Variants in CSMD1 observed in about 807,000 individuals in gnomAD.
CSMD1 encodes the protein CUB and sushi domain-containing protein 1.
CSMD1 carries 213 observed loss-of-function variants against 417.5 expected under a neutral mutation model. The ratio of observed to expected loss-of-function variants is 0.51; its 90% CI spans 0.46 to 0.57. The LOEUF (loss-of-function observed/expected upper bound fraction) is 0.57, where lower values mean the gene tolerates loss of function less well. Ranked by LOEUF, CSMD1 falls within the 20% of genes least tolerant of loss-of-function variation. The pLI is 0.00. For synonymous variants in CSMD1, 2,862 were observed against 1,736.8 expected, an observed-to-expected ratio of 1.65 and a Z score of -16.11; for missense variants, 6,923 against 4,529.7, an observed-to-expected ratio of 1.53 and a Z score of -15.17.
At chr8:4,718,555 G>C (rs760112841) in intron 1 of CSMD1, among the ~76,000 whole-genome samples, 6 of 151,574 alleles carry the variant, frequency 4.0e-5, no homozygotes, top group Non-Finnish European at 8.8e-5. Context: ...TTTGAAAAAA[G>C]AAAGAAAAAA....
At chr8:3,506,393 G>C (rs1039022195) in intron 10 of CSMD1, among the ~76,000 whole-genome samples, 3 of 152,130 alleles carry the variant, frequency 2.0e-5, no homozygotes, top group East Asian at 1.9e-4. Flanking sequence ...GAGTAAACAC[G>C]TTTTTACACA....
At chr8:4,432,965 G>C (rs541015802) in intron 2 of CSMD1, among the ~76,000 whole-genome samples, 1 of 152,180 alleles carries the variant, frequency 6.6e-6, no homozygotes, top group South Asian at 2.1e-4. Context: ...TACCAGCTGA[G>C]CTCCACCCTC....
In CSMD1 at chr8:4,842,520, C is replaced by G. The variant is rs909816593; in HGVS notation, c.85+151812G>C. Among the ~76,000 whole-genome samples, 3 of 152,160 alleles carry G rather than the reference C, an allele frequency of 2.0e-5. No homozygotes were observed. In the East Asian group the frequency reaches 5.8e-4, roughly 29 times the overall value. ...GGAAATGACTTACTAAAAAATGTAG[C>G]AAGTGTTCACTTACAGCGAGCACTA... On this transcript the variant is annotated intron_variant, in intron 1 of 69. Transcript: ENST00000635120.
intron 14 of CSMD1, among the ~76,000 whole-genome samples, chr8:3,406,846 G>C (rs955688238): frequency 1.3e-5 from 2 of 152,168 alleles, no homozygotes; most frequent in Admixed American, 1.3e-4. Context: ...TTAAAATGAG[G>C]AGCCTAAAGC....
intron 38 of CSMD1, 35 bp downstream of exon 38, chr8:3,162,124 T>C (rs373355479): frequency 7.7e-7 from 1 of 1,306,980 alleles, no homozygotes; most frequent in South Asian, 1.3e-5. Context: ...GATGACCATG[T>C]GTATGTTATT....
chr8:3,173,196 G>A (rs956556472), intron 37 of CSMD1, among the ~76,000 whole-genome samples: 2 of 152,166 alleles, frequency 1.3e-5, no homozygotes, highest in South Asian at 2.1e-4. Context: ...AATATCACCA[G>A]TAGGAGTAAA....
intron 2 of CSMD1, among the ~76,000 whole-genome samples, chr8:4,433,343 C>G (rs1274984451): frequency 6.6e-6 from 1 of 152,134 alleles, no homozygotes; most frequent in East Asian, 1.9e-4. Flanking sequence ...AGGTTGGGGA[C>G]TGCTATTATA....
chr8:4,657,361 T>C (rs1804297508), intron 1 of CSMD1, among the ~76,000 whole-genome samples: 1 of 152,154 alleles, frequency 6.6e-6, no homozygotes, highest in Non-Finnish European at 1.5e-5. Flanking sequence ...ATTTTTGTTT[T>C]GTATTTCCTT....
intron 5 of CSMD1, among the ~76,000 whole-genome samples, chr8:3,789,221 G>C (rs1476185845): frequency 6.6e-6 from 1 of 151,992 alleles, no homozygotes; most frequent in East Asian, 1.9e-4. Flanking sequence ...CAAGATAGTG[G>C]GCCCTCACCA....
chr8:4,374,592 G>C (rs1441572076), intron 3 of CSMD1, among the ~76,000 whole-genome samples: 1 of 152,122 alleles, frequency 6.6e-6, no homozygotes, highest in African/African-American at 2.4e-5. Flanking sequence ...GAAGACAAGG[G>C]AAGCAGCTAA....
chr8:4,137,220 A>G (rs960288909), intron 3 of CSMD1, among the ~76,000 whole-genome samples: 2 of 152,186 alleles, frequency 1.3e-5, no homozygotes, highest in African/African-American at 4.8e-5. Flanking sequence ...GTTGCCTTTA[A>G]TTAATTCTCC....
intron 41 of CSMD1, among the ~76,000 whole-genome samples, chr8:3,124,631 C>T (rs1191424778): frequency 6.6e-6 from 1 of 152,088 alleles, no homozygotes; most frequent in African/African-American, 2.4e-5. Context: ...TGCCCCTTTT[C>T]ACACTCTCCT....
At chr8:4,384,794 A>AGT (rs1803338331) in intron 3 of CSMD1, among the ~76,000 whole-genome samples, 1 of 152,198 alleles carries the variant, frequency 6.6e-6, no homozygotes, top group Non-Finnish European at 1.5e-5. Flanking sequence ...TTCACTAATC[A>AGT]GTCCTACAGA....
At chr8:4,973,567 A>T (rs1390429721) in intron 1 of CSMD1, among the ~76,000 whole-genome samples, 2 of 152,190 alleles carry the variant, frequency 1.3e-5, no homozygotes, top group Non-Finnish European at 2.9e-5. Context: ...ACTCAAAAAC[A>T]TCTCTGCAAT....
chr8:3,878,276 C>G (rs1014790059), intron 5 of CSMD1, among the ~76,000 whole-genome samples: 1 of 152,124 alleles, frequency 6.6e-6, no homozygotes, highest in Non-Finnish European at 1.5e-5. Flanking sequence ...AGGAATGGGA[C>G]TAAAATAAAT....
chr8:3,354,320 T>C (rs1023828164), intron 21 of CSMD1, among the ~76,000 whole-genome samples: 7 of 152,178 alleles, frequency 4.6e-5, no homozygotes, highest in African/African-American at 1.7e-4. Context: ...TGTATGGCTC[T>C]GGTTATTAAA....
At chr8:3,519,579 A>G (rs1324280607) in intron 10 of CSMD1, among the ~76,000 whole-genome samples, 5 of 152,272 alleles carry the variant, frequency 3.3e-5, no homozygotes, top group African/African-American at 9.6e-5. Context: ...GTACCTTGGT[A>G]GAGACTACCT....
chr8:4,068,210 T>C (rs1799358279), intron 3 of CSMD1, among the ~76,000 whole-genome samples: 2 of 152,108 alleles, frequency 1.3e-5, no homozygotes, highest in South Asian at 4.1e-4. Flanking sequence ...AAATCTTCCG[T>C]GCAGTGTTAA....
chr8:4,452,558 C>T (rs1799212533), intron 2 of CSMD1, among the ~76,000 whole-genome samples: 1 of 152,162 alleles, frequency 6.6e-6, no homozygotes. Flanking sequence ...TTTTTCCAAT[C>T]ATTTTTATCA....
Sources: gnomAD v4.1 joint callset for allele counts (sites outside exome capture counted in the v4.1 genomes callset) on GRCh38, gnomAD v4.1.1 for gene constraint, MANE v1.5 for transcripts, NCBI Gene and HGNC (gene_info 2026-07-23, HGNC 2026-07-21) for gene names.